Variants in HUWE1 observed in about 807,000 individuals in gnomAD.
HUWE1 encodes the protein HECT, UBA and WWE domain containing E3 ubiquitin protein ligase 1, also known as E3 ubiquitin-protein ligase HUWE1.
HUWE1 carries 18 observed loss-of-function variants against 299.4 expected under a neutral mutation model. That is an observed-to-expected ratio of 0.06 (90% CI 0.04 to 0.09). HUWE1 has a LOEUF of 0.09. Ranked by LOEUF, HUWE1 falls within the 10% of genes least tolerant of loss-of-function variation. The probability of loss-of-function intolerance (pLI) is 1.00; values close to 1 mark genes in which losing one functional copy is unlikely to be tolerated. For missense variants in HUWE1, 1,832 were observed against 3,462.3 expected (o/e 0.53, Z 11.82); for synonymous variants, 1,317 against 1,286.1 (o/e 1.02, Z -0.51).
intron 42 of HUWE1, among the ~76,000 whole-genome samples, chrX:53,581,408 AT>A (rs1395538711): frequency 1.8e-5 from 2 of 112,020 alleles, no homozygotes; most frequent in Non-Finnish European, 3.8e-5. Context: ...ACAATTAAAT[AT>A]TTTCTTTATG....
rs1256416793 is a variant in HUWE1, at chrX:53,544,693, C to T, written c.11118G>A (p.Gln3706=). The change falls in exon 72 of 84, where the codon CAG becomes CAA. Residue 3706 remains glutamine, a synonymous_variant. Coordinates refer to ENST00000262854, the MANE Select transcript of HUWE1 (RefSeq NM_031407.7). ...QKRPLGGREL[Q]LPSMSMLTSK... ...ATGTCAACATGGACATAGAAGGCAG[C>T]TGGAGCTCCCGGCCACCCAAAGGTC... is the stretch of plus-strand genomic sequence containing the variant. 2 of 1,206,692 alleles carry T rather than the reference C, an allele frequency of 1.7e-6. No individual in the cohort carries two copies. Among genetic ancestry groups the T allele is most frequent in the Non-Finnish European group, 2.2e-6 (2 of 894,021 alleles).
At chrX:53,582,152 A>C (rs1409247969) in intron 42 of HUWE1, among the ~76,000 whole-genome samples, 5 of 112,445 alleles carry the variant, frequency 4.4e-5, no homozygotes, top group Admixed American at 2.8e-4. Context: ...ACTATAATTT[A>C]CCTAAAGTTA....
intron 22 of HUWE1, 28 bp from the exon 23 acceptor site, chrX:53,614,773 T>A: frequency 5.9e-6 from 6 of 1,013,544 alleles, no homozygotes; most frequent in Non-Finnish European, 8.3e-6. Flanking sequence ...TAAGATTACT[T>A]ATTAGTAATC....
At chrX:53,565,888 G>A (rs1164678739) in intron 49 of HUWE1, among the ~76,000 whole-genome samples, 1 of 108,495 alleles carries the variant, frequency 9.2e-6, no homozygotes, top group South Asian at 4.1e-4. Flanking sequence ...CTCCTCGCCC[G>A]GCTGATAACA....
intron 63 of HUWE1, among the ~76,000 whole-genome samples, chrX:53,551,858 C>A (rs1031889948): frequency 1.3e-4 from 15 of 111,193 alleles, no homozygotes; most frequent in Non-Finnish European, 2.6e-4. Flanking sequence ...AGAAAATAAA[C>A]CCATGTCACT....
chrX:53,599,368 CT>C (rs1279150388), intron 29 of HUWE1, among the ~76,000 whole-genome samples: 1 of 112,125 alleles, frequency 8.9e-6, no homozygotes, highest in Non-Finnish European at 1.9e-5. Context: ...AGGCCATTTT[CT>C]GTTTGCTTTT....
chrX:53,657,498 C>A (rs2068801221), intron 3 of HUWE1, among the ~76,000 whole-genome samples: 1 of 111,685 alleles, frequency 9.0e-6, no homozygotes, highest in Non-Finnish European at 1.9e-5. Context: ...TGCATTCCAG[C>A]CTGGGCGACA....
At position 53,681,210 on chromosome X, in the gene HUWE1, CG is replaced by C. The variant is rs2070120326; in HGVS notation, c.-162-1025del. Among the ~76,000 whole-genome samples, 4 of 110,031 alleles carry C rather than the reference CG, an allele frequency of 3.6e-5. No individual in the cohort carries two copies. The Admixed American group carries it at 3.9e-4, about 11-fold the overall frequency. On this transcript the variant is annotated intron_variant, in intron 2 of 83. Transcript: ENST00000262854. ...CAGCACTTTGGGAGGCCGAGGCGGG[CG>C]GATCACGAGGTCAGGAGATCGAGAC...
At chrX:53,659,314 G>A (rs1311263194) in intron 3 of HUWE1, among the ~76,000 whole-genome samples, 5 of 112,464 alleles carry the variant, frequency 4.4e-5, no homozygotes, top group Non-Finnish European at 9.4e-5. Context: ...TTTGGTAGGT[G>A]AATGGATAAA....
Position 53,645,341 on chromosome X carries a change from C to A in HUWE1, c.474G>T (p.Pro158=), listed in dbSNP as rs781813458. The A allele has an allele frequency of 8.3e-7, 1 of 1,208,695 alleles. No homozygotes were observed. The highest frequency in any genetic ancestry group is 2.2e-5 in the Admixed American group (1 of 45,509). ...CCAAATGTTGTAGCCGAGTTAGCAG[C>A]GGGGTCCTCTTGTCAGATCCCAGAC... The part of the protein sequence containing the change: ...ITRLGSDKRT[P]LLTRLQHLAE... Residue 158 remains proline (P), a synonymous_variant, in exon 7 of 84, where the codon CCG becomes CCT. Transcript: ENST00000262854.
intron 68 of HUWE1, 60 bp downstream of exon 68, chrX:53,547,613 G>C: frequency 1.7e-6 from 2 of 1,192,166 alleles, no homozygotes; most frequent in Non-Finnish European, 2.3e-6. Context: ...GGATGGAAAA[G>C]GGGGTGAAGT....
chrX:53,663,656 G>A (rs1238594407), intron 3 of HUWE1, among the ~76,000 whole-genome samples: 1 of 111,500 alleles, frequency 9.0e-6, no homozygotes, highest in Admixed American at 9.5e-5. Context: ...GTAACTGTAA[G>A]AATCCCTTTG....
intron 7 of HUWE1, among the ~76,000 whole-genome samples, chrX:53,644,918 A>G (rs1185837421): frequency 8.9e-6 from 1 of 111,931 alleles, no homozygotes; most frequent in African/African-American, 3.3e-5. Context: ...TTCTAAATCA[A>G]CCCTGAAGTA....
chrX:53,612,819 G>GT (rs1409301850), intron 23 of HUWE1, among the ~76,000 whole-genome samples: 3 of 111,786 alleles, frequency 2.7e-5, no homozygotes, highest in Admixed American at 9.5e-5. Flanking sequence ...ATAGAACACA[G>GT]TGATACATGA....
chrX:53,614,227 T>C (rs2065667702), intron 23 of HUWE1, among the ~76,000 whole-genome samples: 1 of 110,773 alleles, frequency 9.0e-6, no homozygotes, highest in Admixed American at 9.6e-5. Flanking sequence ...ACCACATCAT[T>C]GCACTCCAGC....
chrX:53,587,394 G>C (rs1260804537), intron 37 of HUWE1, among the ~76,000 whole-genome samples: 2 of 112,371 alleles, frequency 1.8e-5, no homozygotes, highest in African/African-American at 6.5e-5. Flanking sequence ...AATGTCCAAG[G>C]ATAGGTAATT....
Position 53,554,611 on chromosome X carries a change from C to T in HUWE1, c.8494+22G>A, listed in dbSNP as rs1556932394. ...TTCTTCCCTCTTGTTTCATCCTCCC[C>T]AAATGTTGAAATTCTACTCACTTAT... On this transcript the variant is annotated intron_variant, in intron 61 of 83. Transcript: ENST00000262854. 6 of 1,202,790 alleles carry T rather than the reference C, an allele frequency of 5.0e-6. 1 individual carries two copies. The South Asian group carries it at 1.1e-4, about 21-fold the overall frequency.
At chrX:53,654,212 G>T in intron 3 of HUWE1, 81 bp from the exon 4 acceptor site, 3 of 611,662 alleles carry the variant, frequency 4.9e-6, no homozygotes, top group African/African-American at 2.2e-5. Flanking sequence ...AGACAATACA[G>T]AATGAAGAGC....
rs782309358 is a variant in HUWE1, at chrX:53,660,648, A to C, written c.-24-6517T>G. On this transcript the variant is annotated intron_variant, in intron 3 of 83. Coordinates refer to ENST00000262854, the MANE Select transcript of HUWE1 (RefSeq NM_031407.7). Reference sequence around the variant, plus strand: ...AGAATGTCTTGCTCTATAAAGGGAGACAAGAATCCTGTAATTTGGGAAATG... The same window carrying C: ...AGAATGTCTTGCTCTATAAAGGGAGCCAAGAATCCTGTAATTTGGGAAATG... 1.3e-3 allele frequency among the ~76,000 whole-genome samples: 147 copies of C among 112,056 alleles called. 2 individuals carry two copies. Among genetic ancestry groups the C allele is most frequent in the Non-Finnish European group, 2.3e-3 (123 of 53,217 alleles).
Sources: allele counts gnomAD v4.1 joint callset (sites outside exome capture counted in the v4.1 genomes callset), GRCh38; gene constraint gnomAD v4.1.1; transcripts MANE v1.5; gene names NCBI Gene and HGNC (gene_info 2026-07-23, HGNC 2026-07-21).